MAGI1: variants seen among roughly 807,000 people sequenced by gnomAD.
The protein encoded by MAGI1 is membrane-associated guanylate kinase, WW and PDZ domain-containing protein 1.
In MAGI1, 58 loss-of-function variants were observed where a neutral mutation model predicts 139.9. The ratio of observed to expected loss-of-function variants is 0.41; its 90% CI spans 0.34 to 0.52. The LOEUF (loss-of-function observed/expected upper bound fraction) is 0.52, where lower values mean the gene tolerates loss of function less well. Among genes scored for constraint, MAGI1 ranks in the 20% least tolerant of loss-of-function variants. The pLI is 0.12. For missense variants in MAGI1, 1,874 were observed against 1,901.6 expected (o/e 0.99, Z 0.27); for synonymous variants, 812 against 737.9 (o/e 1.10, Z -1.63).
At position 65,720,703 on chromosome 3, in the gene MAGI1, G is replaced by A. The variant is rs1019865858; in HGVS notation, c.314-98615C>T. On this transcript the variant is annotated intron_variant, in intron 1 of 22. Transcript: ENST00000402939. ...GGATAGATAGATCTCTCAGGCCTTC[G>A]CTCTGCCTGAGCCTGATATGCTCTT... Among the ~76,000 whole-genome samples, 8 of 151,962 alleles carry A rather than the reference G, an allele frequency of 5.3e-5. No individual in the cohort carries two copies. The South Asian group carries it at 6.3e-4, about 12-fold the overall frequency.
chr3:65,357,212 A>T, intron 22 of MAGI1, 80 bp from the exon 23 acceptor site: 1 of 1,407,058 alleles, frequency 7.1e-7, no homozygotes, highest in Non-Finnish European at 9.6e-7. Flanking sequence ...CACACTCGAG[A>T]CCTCATTAGT....
chr3:65,959,798 CTTTTTTTTT>C (rs33978400), intron 1 of MAGI1, among the ~76,000 whole-genome samples: 2 of 60,266 alleles, frequency 3.3e-5, no homozygotes, highest in African/African-American at 6.4e-5. Context: ...TAAATTCTCT[CTTTTTTTTT>C]TTTTTTTTTT....
chr3:65,512,808 A>G (rs2077666790), intron 2 of MAGI1, among the ~76,000 whole-genome samples: 1 of 151,274 alleles, frequency 6.6e-6, no homozygotes, highest in African/African-American at 2.4e-5. Flanking sequence ...TCATTTTATG[A>G]GGCCAGCATC....
chr3:65,440,301 AAAGT>A (rs1444940859), intron 8 of MAGI1, among the ~76,000 whole-genome samples: 2 of 152,132 alleles, frequency 1.3e-5, no homozygotes, highest in African/African-American at 4.8e-5. Flanking sequence ...ATGAATAAGG[AAAGT>A]AAGTGTCTGG....
intron 1 of MAGI1, chr3:65,925,318 TG>T (rs1401237762): frequency 3.9e-5 from 6 of 152,200 alleles, no homozygotes; most frequent in Non-Finnish European, 5.9e-5. Context: ...TTTTTTGTTT[TG>T]TTTTTTTGTT....
At chr3:65,571,964 T>A (rs560990046) in intron 2 of MAGI1, among the ~76,000 whole-genome samples, 1 of 152,076 alleles carries the variant, frequency 6.6e-6, no homozygotes, top group Admixed American at 6.6e-5. Flanking sequence ...AAAACTAAAG[T>A]TCTACTCTTT....
intron 1 of MAGI1, among the ~76,000 whole-genome samples, chr3:65,945,522 G>C (rs889186801): frequency 1.4e-5 from 2 of 141,590 alleles, no homozygotes; most frequent in Non-Finnish European, 3.3e-5. Context: ...CTAATAGGTA[G>C]ACAAGGGTGA....
intron 1 of MAGI1, among the ~76,000 whole-genome samples, chr3:65,948,651 G>A (rs998962364): frequency 9.9e-5 from 15 of 152,144 alleles, no homozygotes; most frequent in Admixed American, 9.8e-4. Flanking sequence ...AAAAGAGAAG[G>A]ACACAATTCA....
intron 2 of MAGI1, among the ~76,000 whole-genome samples, chr3:65,561,777 A>T (rs920706174): frequency 2.6e-5 from 4 of 152,220 alleles, no homozygotes; most frequent in Non-Finnish European, 5.9e-5. Context: ...TTTATTAGCA[A>T]GTGGAGACAG....
At chr3:65,727,244 A>G (rs958489300) in intron 1 of MAGI1, among the ~76,000 whole-genome samples, 3 of 152,226 alleles carry the variant, frequency 2.0e-5, no homozygotes, top group Non-Finnish European at 4.4e-5. Flanking sequence ...CAGCACACTT[A>G]TTTAAATGGA....
chr3:65,744,973 C>T (rs2035580472), intron 1 of MAGI1, among the ~76,000 whole-genome samples: 1 of 151,914 alleles, frequency 6.6e-6, no homozygotes, highest in African/African-American at 2.4e-5. Flanking sequence ...TCCCTCCCTC[C>T]AGCCCTTTGG....
intron 2 of MAGI1, among the ~76,000 whole-genome samples, chr3:65,533,093 T>A (rs377016475): frequency 1.3e-4 from 20 of 152,292 alleles, no homozygotes; most frequent in African/African-American, 3.6e-4. Context: ...TTAGAACAGC[T>A]CCTGGATTGC....
intron 1 of MAGI1, among the ~76,000 whole-genome samples, chr3:65,799,384 T>TA (rs1386350354): frequency 6.6e-6 from 1 of 152,170 alleles, no homozygotes; most frequent in Non-Finnish European, 1.5e-5. Context: ...TCCCCTAAAA[T>TA]GAGTGACACT....
At chr3:65,645,462 G>A (rs1479002649) in intron 1 of MAGI1, among the ~76,000 whole-genome samples, 7 of 152,182 alleles carry the variant, frequency 4.6e-5, no homozygotes, top group Admixed American at 3.3e-4. Context: ...CTTCAGGAAT[G>A]TAGGTGAAAT....
intron 2 of MAGI1, among the ~76,000 whole-genome samples, chr3:65,530,810 CAT>C (rs1198443571): frequency 1.5e-4 from 14 of 92,080 alleles, no homozygotes; most frequent in Admixed American, 3.8e-4. Context: ...TATATACACA[CAT>C]ATATATACAC....
intron 11 of MAGI1, among the ~76,000 whole-genome samples, chr3:65,430,389 C>T (rs1393840171): frequency 6.6e-6 from 1 of 152,078 alleles, no homozygotes; most frequent in Non-Finnish European, 1.5e-5. Context: ...AAAAAAAAAT[C>T]TCACTGCAGA....
intron 1 of MAGI1, among the ~76,000 whole-genome samples, chr3:65,951,748 T>G (rs1413282369): frequency 1.3e-5 from 2 of 152,230 alleles, no homozygotes; most frequent in Non-Finnish European, 2.9e-5. Context: ...TTAAAACTCC[T>G]TAATCATTTT....
chr3:65,557,710 T>C (rs1341009119), intron 2 of MAGI1, among the ~76,000 whole-genome samples: 3 of 152,260 alleles, frequency 2.0e-5, no homozygotes, highest in Non-Finnish European at 2.9e-5. Context: ...ATCAGTTTTG[T>C]CTCCTAATCT....
chr3:65,645,339 C>T, intron 1 of MAGI1, among the ~76,000 whole-genome samples: 1 of 151,992 alleles, frequency 6.6e-6, no homozygotes, highest in East Asian at 1.9e-4. Flanking sequence ...AATAGAGTGA[C>T]AGTAAATTTT....
Sources: gnomAD v4.1 joint callset for allele counts (sites outside exome capture counted in the v4.1 genomes callset) on GRCh38, gnomAD v4.1.1 for gene constraint, MANE v1.5 for transcripts, NCBI Gene and HGNC (gene_info 2026-07-23, HGNC 2026-07-21) for gene names.